METTL13: variants seen among roughly 807,000 people sequenced by gnomAD.
METTL13 encodes the protein eEF1A lysine and N-terminal methyltransferase.
In METTL13, 52 loss-of-function variants were observed where a neutral mutation model predicts 67.4. The ratio of observed to expected loss-of-function variants is 0.77; its 90% confidence interval spans 0.62 to 0.97. METTL13 has a LOEUF of 0.97. METTL13 is among the 50% of genes least tolerant of loss of function. METTL13 has a pLI of 0.00. For synonymous variants in METTL13, 354 were observed against 353.6 expected, an observed-to-expected ratio of 1.00 and a Z score of -0.01; for missense variants, 825 against 889.6, an observed-to-expected ratio of 0.93 and a Z score of 0.92.
chr1:171,794,257 A>G, intron 6 of METTL13, 139 bp from the exon 7 acceptor site: 2 of 1,271,058 alleles, frequency 1.6e-6, no homozygotes, highest in Non-Finnish European at 1.1e-6. Flanking sequence ...GTGCCCTTAC[A>G]GGCAAACCAC....
chr1:171,796,885 T>C lies in METTL13; in HGVS notation c.*129T>C. The stretch of plus-strand genomic sequence containing the variant: ...TCTTGGTTTCACACTCAGCTACATG[T>C]GACCTCCAGCTTGGTGAGGTTGCCT... On this transcript the variant is annotated 3_prime_UTR_variant, in exon 8 of 8. Coordinates refer to ENST00000361735, the MANE Select transcript of METTL13 (RefSeq NM_015935.5). 8.0e-7 allele frequency: 1 copy of C among 1,242,416 alleles called. No individual in the cohort carries two copies. The highest frequency in any genetic ancestry group is 1.1e-6 in the Non-Finnish European group (1 of 907,002). 77.0% of individuals were successfully genotyped at this position (1,242,416 alleles called of 1,614,324 possible).
intron 7 of METTL13, among the ~76,000 whole-genome samples, 166 bp downstream of exon 7, chr1:171,794,693 G>A (rs1657309783): frequency 1.3e-5 from 2 of 152,200 alleles, no homozygotes; most frequent in African/African-American, 4.8e-5. Context: ...CCAGAAAGTC[G>A]TATCTCTTAT....
At chr1:171,785,768 T>C (rs555206591) in intron 2 of METTL13, 111 bp from the exon 3 acceptor site, 9 of 1,085,870 alleles carry the variant, frequency 8.3e-6, no homozygotes, top group African/African-American at 6.2e-5. Flanking sequence ...TGGGTCACAG[T>C]TGGGGAAGAT....
In METTL13 at chr1:171,783,765, C is replaced by G; in HGVS notation, c.179C>G (p.Ser60Ter). ...EKVLVIGCGN[S>*]ELSEQLYDVG... ...GTGCTGGTGATTGGGTGTGGCAACT[C>G]AGAACTGAGTGAGCAACTGTATGAT... Residue 60 changes from serine to a stop codon, truncating the protein, a stop_gained, in exon 2 of 8, where the codon TCA becomes TGA. Transcript: ENST00000361735. LOFTEE classifies it high-confidence loss of function. 1 of 1,611,310 alleles carries G rather than the reference C, an allele frequency of 6.2e-7. No individual in the cohort carries two copies. Among genetic ancestry groups the G allele is most frequent in the Non-Finnish European group, 8.5e-7 (1 of 1,178,166 alleles).
At chr1:171,783,714 C>T (rs1186023267) in intron 1 of METTL13, 26 bp from the exon 2 acceptor site, 1 of 1,582,094 alleles carries the variant, frequency 6.3e-7, no homozygotes. Context: ...GATTACCTCC[C>T]TCTTGTCTGT....
chr1:171,782,432 G>A (rs1656857911), intron 1 of METTL13, among the ~76,000 whole-genome samples: 1 of 151,866 alleles, frequency 6.6e-6, no homozygotes, highest in Non-Finnish European at 1.5e-5. Flanking sequence ...GCCGGGCGTG[G>A]TGGCGCGCAT....
In METTL13 at chr1:171,797,503, T is replaced by C. The variant is rs1002265394; in HGVS notation, c.*747T>C. 1.1e-4 allele frequency: 16 copies of C among 152,170 alleles called. No individual in the cohort carries two copies. The highest frequency in any genetic ancestry group is 3.9e-4 in the African/African-American group (16 of 41,378). 9.4% of individuals were successfully genotyped at this position (152,170 alleles called of 1,614,324 possible). On this transcript the variant is annotated 3_prime_UTR_variant, in exon 8 of 8. Coordinates refer to ENST00000361735, the MANE Select transcript of METTL13 (RefSeq NM_015935.5). ...ATGTGCCAGACTGCATAAAGGGTGGTGGCAGAAGTGAAAATGTTTAAGAAT... is the reference window on the plus strand; with the variant it reads ...ATGTGCCAGACTGCATAAAGGGTGGCGGCAGAAGTGAAAATGTTTAAGAAT...
At chr1:171,794,313 G>C in intron 6 of METTL13, 83 bp from the exon 7 acceptor site, 1 of 1,582,694 alleles carries the variant, frequency 6.3e-7, no homozygotes, top group Non-Finnish European at 8.6e-7. Flanking sequence ...CCCACCACTG[G>C]TAAAGAGGAG....
rs1656932380 is a variant in METTL13, at chr1:171,784,314, C to G, written c.728C>G (p.Ala243Gly). The G allele has an allele frequency of 6.2e-7, 1 of 1,604,506 alleles. No individual in the cohort carries two copies. The highest frequency in any genetic ancestry group is 1.3e-5 in the African/African-American group (1 of 74,928). Residue 243 changes from alanine (A) to glycine (G), a missense_variant, in exon 2 of 8, where the codon GCC becomes GGC. Coordinates refer to ENST00000361735, the MANE Select transcript of METTL13 (RefSeq NM_015935.5). ...CGGCTGGAGAGTGCCGAGCGGCTGG[C>G]CGAGGCGGTGCAGGAGCGACAGCAG... The part of the protein sequence containing the change: ...PVRLESAERL[A>G]EAVQERQQYA...
At chr1:171,787,704 GT>G (rs1558130921) in intron 3 of METTL13, 30 bp from the exon 4 acceptor site, 1 of 1,597,034 alleles carries the variant, frequency 6.3e-7, no homozygotes, top group East Asian at 2.2e-5. Flanking sequence ...ATGAGCTGCT[GT>G]TTTGACCACA....
intron 4 of METTL13, among the ~76,000 whole-genome samples, chr1:171,789,756 T>C (rs1657140537): frequency 6.6e-6 from 1 of 151,972 alleles, no homozygotes; most frequent in Non-Finnish European, 1.5e-5. Context: ...TTTCCCAGGT[T>C]TTTGAGTGTG....
intron 7 of METTL13, among the ~76,000 whole-genome samples, chr1:171,795,546 A>G (rs928939896): frequency 6.6e-6 from 1 of 152,216 alleles, no homozygotes; most frequent in Non-Finnish European, 1.5e-5. Context: ...GTGTTATTTA[A>G]TCTTCATAGC....
intron 7 of METTL13, among the ~76,000 whole-genome samples, chr1:171,796,261 A>G (rs370289122): frequency 3.3e-5 from 5 of 152,276 alleles, no homozygotes. Context: ...AGCACAGAAG[A>G]GCAAGAAATA....
At position 171,792,188 on chromosome 1, in the gene METTL13, T is replaced by C; in HGVS notation, c.1646T>C (p.Ile549Thr). Residue 549 changes from isoleucine to threonine, a missense_variant, in exon 6 of 8, where the codon ATT becomes ACT. By Grantham distance (89) the Ile-to-Thr change is moderately conservative. Coordinates refer to ENST00000361735, the MANE Select transcript of METTL13 (RefSeq NM_015935.5). The part of the protein sequence containing the change: ...FSQSDRMKVH[I>T]ADGLDYIASL... The stretch of plus-strand genomic sequence containing the variant: ...CAGAGTGACCGAATGAAGGTCCACA[T>C]TGCAGATGGCCTGGACTATATCGCC... 5.6e-6 allele frequency: 9 copies of C among 1,614,188 alleles called. No homozygotes were observed. Among genetic ancestry groups the C allele is most frequent in the Non-Finnish European group, 7.6e-6 (9 of 1,180,028 alleles).
chr1:171,793,403 A>G (rs533797296), intron 6 of METTL13, among the ~76,000 whole-genome samples: 24 of 152,206 alleles, frequency 1.6e-4, no homozygotes, highest in Non-Finnish European at 2.1e-4. Context: ...TCAGTTTTCA[A>G]TGGCTCTGCC....
chr1:171,794,622 C>A, intron 7 of METTL13, 95 bp downstream of exon 7: 1 of 1,539,944 alleles, frequency 6.5e-7, no homozygotes, highest in Non-Finnish European at 8.8e-7. Flanking sequence ...CGAGCTCGAT[C>A]AATTTTTCCA....
At chr1:171,788,321 G>A (rs1373537524) in intron 4 of METTL13, among the ~76,000 whole-genome samples, 2 of 152,152 alleles carry the variant, frequency 1.3e-5, no homozygotes, top group African/African-American at 4.8e-5. Context: ...TTGGATTGGC[G>A]GGTGACTTAG....
At chr1:171,785,569 T>C (rs115997867) in intron 2 of METTL13, among the ~76,000 whole-genome samples, 322 of 152,364 alleles carry the variant, frequency 2.1e-3, no homozygotes, top group African/African-American at 7.5e-3. Context: ...TATATATTTG[T>C]CAACAGCTTG....
At chr1:171,789,107 G>C (rs895708415) in intron 4 of METTL13, among the ~76,000 whole-genome samples, 3 of 152,114 alleles carry the variant, frequency 2.0e-5, no homozygotes, top group Non-Finnish European at 2.9e-5. Context: ...TTGGGTTTCA[G>C]GTTTTTTCAC....
Sources: gnomAD v4.1 joint callset for allele counts (sites outside exome capture counted in the v4.1 genomes callset) on GRCh38, gnomAD v4.1.1 for gene constraint, MANE v1.5 for transcripts, NCBI Gene and HGNC (gene_info 2026-07-23, HGNC 2026-07-21) for gene names.